KLHDC2: variants seen among roughly 807,000 people sequenced by gnomAD.
KLHDC2 encodes the protein kelch domain containing 2.
KLHDC2 carries 38 observed loss-of-function variants against 62.3 expected under a neutral mutation model. The ratio of observed to expected loss-of-function variants is 0.61; its 90% confidence interval spans 0.47 to 0.80. KLHDC2 has a LOEUF of 0.80. Among genes scored for constraint, KLHDC2 ranks in the 30% least tolerant of loss-of-function variants. KLHDC2 has a pLI of 0.00. For missense variants in KLHDC2, 430 were observed against 495.3 expected (o/e 0.87, Z 1.25); for synonymous variants, 159 against 161.0 (o/e 0.99, Z 0.09).
Position 49,780,341 on chromosome 14 carries a change from T to C in KLHDC2, c.883+19T>C, listed in dbSNP as rs1889865008. 1 of 1,419,376 alleles carries C rather than the reference T, an allele frequency of 7.0e-7. No individual in the cohort carries two copies. The highest frequency in any genetic ancestry group is 1.1e-5 in the South Asian group (1 of 87,224). 87.9% of individuals were successfully genotyped at this position (1,419,376 alleles called of 1,614,324 possible). A position where few individuals can be genotyped will look rare whatever the true frequency, so the allele number is the denominator to read the frequency against. On this transcript the variant is annotated intron_variant, in intron 9 of 12. Transcript: ENST00000298307. ...CCACTAAGTAAGTCCTTGAAAAATA[T>C]GATAATGAAATCATCATATATCATC...
rs895025708 is a variant in KLHDC2 at position 49,774,498 on chromosome 14, A to T, written c.234-63A>T. 1.9e-5 allele frequency: 20 copies of T among 1,040,786 alleles called. No homozygotes were observed. The East Asian group carries it at 4.7e-4, about 25-fold the overall frequency. The allele number at this position is 1,040,786 out of a possible 1,614,324, so 64.5% of individuals were successfully genotyped here. On this transcript the variant is annotated intron_variant, in intron 2 of 12. Transcript: ENST00000298307. Reference sequence around the variant, plus strand: ...TGTGAGGATATAAGTAGAAGAAGAAAAATTAATAGACTTTTGCATTTCTTC... The same window carrying T: ...TGTGAGGATATAAGTAGAAGAAGAATAATTAATAGACTTTTGCATTTCTTC...
intron 1 of KLHDC2, among the ~76,000 whole-genome samples, chr14:49,770,935 C>T (rs944373595): frequency 6.6e-6 from 1 of 152,220 alleles, no homozygotes; most frequent in African/African-American, 2.4e-5. Context: ...ATCGTGTTAG[C>T]GTGGATCAGG....
At position 49,768,571 on chromosome 14, in the gene KLHDC2, C is replaced by T; in HGVS notation, c.103C>T (p.His35Tyr). 1 of 1,606,818 alleles carries T rather than the reference C, an allele frequency of 6.2e-7. No individual in the cohort carries two copies. Among genetic ancestry groups the T allele is most frequent in the Non-Finnish European group, 8.5e-7 (1 of 1,177,472 alleles). ...ELACPAERSGHVAVSDGRHMF... is the reference protein window; with the variant it reads ...ELACPAERSGYVAVSDGRHMF... The stretch of plus-strand genomic sequence containing the variant: ...TGCCTGCCCCGCTGAGCGCAGCGGC[C>T]ACGTAGCCGTCAGCGACGGGCGCCA... Residue 35 changes from histidine to tyrosine, a missense_variant, in exon 1 of 13, where the codon CAC (histidine) becomes TAC (tyrosine). His to Tyr is a moderately conservative substitution (Grantham distance 83, BLOSUM62 2). Transcript: ENST00000298307.
In KLHDC2 at chr14:49,768,768, T is replaced by C. The variant is rs1245031759; in HGVS notation, c.153+147T>C. On this transcript the variant is annotated intron_variant, in intron 1 of 12. Coordinates refer to ENST00000298307, the MANE Select transcript of KLHDC2 (RefSeq NM_014315.3). ...ACCTCAGACTCTGCCCGTTGGTTGT[T>C]TTTTTTTTGCGCGCGGGAATCTTCC... is the stretch of plus-strand genomic sequence containing the variant. The C allele has an allele frequency of 3.2e-5, 22 of 690,280 alleles. No homozygotes were observed. In the Admixed American group the frequency reaches 8.3e-4, roughly 26 times the overall value. 42.8% of individuals were successfully genotyped at this position (690,280 alleles called of 1,614,324 possible). A position where few individuals can be genotyped will look rare whatever the true frequency, so the allele number is the denominator to read the frequency against.
In KLHDC2 at chr14:49,768,515, C is replaced by A; in HGVS notation, c.47C>A (p.Pro16Gln). ...CTGCGGGCTGACGACTTGCCTGGGC[C>A]AGCCTTCGAGAGCTATGAGTCCATG... is the stretch of plus-strand genomic sequence containing the variant. ...EDLRADDLPG[P>Q]AFESYESMEL... is the part of the protein sequence containing the mutation. Residue 16 changes from proline to glutamine, a missense_variant, in exon 1 of 13, where the codon CCA (proline) becomes CAA (glutamine). Transcript: ENST00000298307. 6.2e-7 allele frequency: 1 copy of A among 1,610,496 alleles called. No individual in the cohort carries two copies. The highest frequency in any genetic ancestry group is 8.5e-7 in the Non-Finnish European group (1 of 1,178,770).
chr14:49,773,805 T>C (rs1201618424), intron 2 of KLHDC2, among the ~76,000 whole-genome samples: 1 of 151,992 alleles, frequency 6.6e-6, no homozygotes, highest in Non-Finnish European at 1.5e-5. Flanking sequence ...CTCGATTTCT[T>C]GACCTTGTGA....
intron 2 of KLHDC2, among the ~76,000 whole-genome samples, chr14:49,772,887 C>T (rs879337289): frequency 3.9e-5 from 6 of 152,016 alleles, no homozygotes; most frequent in Non-Finnish European, 8.8e-5. Context: ...ACCCGGGAGG[C>T]AGAGGTTGCA....
In KLHDC2 at chr14:49,778,394, ATTC is replaced by A. The variant is rs759802662; in HGVS notation, c.550-14_550-12del. 68 of 1,455,162 alleles carry A rather than the reference ATTC, an allele frequency of 4.7e-5. No homozygotes were observed. The African/African-American group carries it at 7.2e-4, about 15-fold the overall frequency. The allele number at this position is 1,455,162 out of a possible 1,614,324, so 90.1% of individuals were successfully genotyped here. On this transcript the variant is annotated splice_polypyrimidine_tract_variant and intron_variant, in intron 5 of 12. Coordinates refer to ENST00000298307, the MANE Select transcript of KLHDC2 (RefSeq NM_014315.3). ...AAATATCATTTCTAAAATAACGCGGATTCTTATTTTCTGTAGAATTCAAGTCAT... is the reference window on the plus strand; with the variant it reads ...AAATATCATTTCTAAAATAACGCGGATTATTTTCTGTAGAATTCAAGTCAT...
chr14:49,774,907 G>T, intron 3 of KLHDC2: 5 of 464,236 alleles, frequency 1.1e-5, no homozygotes, highest in South Asian at 3.0e-5. Context: ...TAACTTCCTG[G>T]GTGGTTTTTC....
chr14:49,779,897 T>G, intron 8 of KLHDC2, 91 bp downstream of exon 8: 2 of 865,494 alleles, frequency 2.3e-6, no homozygotes, highest in Non-Finnish European at 3.7e-6. Flanking sequence ...TTGCTTAACT[T>G]TTCTTTAACT....
rs570989300 is a variant in KLHDC2, at chr14:49,782,879, T to C, written c.1147T>C (p.Trp383Arg). Residue 383 changes from tryptophan to arginine, a missense_variant, in exon 13 of 13, where the codon TGG becomes CGG. Transcript: ENST00000298307. ...CTTTAAAGAAATGTTAGCCAACTCA[T>C]GGAACTGCCTTCCAAAACACTTACT... is the stretch of plus-strand genomic sequence containing the variant. ...ICFKEMLANS[W>R]NCLPKHLLHS... The C allele has an allele frequency of 1.4e-5, 23 of 1,613,910 alleles. No homozygotes were observed. Among genetic ancestry groups the C allele is most frequent in the East Asian group, 2.2e-5 (1 of 44,854 alleles).
At chr14:49,780,577 GA>G (rs1287629326) in intron 9 of KLHDC2, 125 bp from the exon 10 acceptor site, 29 of 729,796 alleles carry the variant, frequency 4.0e-5, no homozygotes, top group East Asian at 1.5e-4. Flanking sequence ...GCAGGGGGGG[GA>G]AAAAAAAGAA....
chr14:49,772,532 T>C (rs1889685390), intron 2 of KLHDC2, among the ~76,000 whole-genome samples: 1 of 152,236 alleles, frequency 6.6e-6, no homozygotes, highest in South Asian at 2.1e-4. Context: ...AGAATCAAGG[T>C]GTTTCTCAAA....
Position 49,768,569 on chromosome 14 carries a change from G to A in KLHDC2, c.101G>A (p.Gly34Asp). 6.2e-7 allele frequency: 1 copy of A among 1,606,626 alleles called. No individual in the cohort carries two copies. Among genetic ancestry groups the A allele is most frequent in the Non-Finnish European group, 8.5e-7 (1 of 1,177,432 alleles). ...MELACPAERS[G>D]HVAVSDGRHM... ...CTTGCCTGCCCCGCTGAGCGCAGCG[G>A]CCACGTAGCCGTCAGCGACGGGCGC... The change falls in exon 1 of 13, where the codon GGC becomes GAC. Residue 34 changes from glycine to aspartate, a missense_variant. By Grantham distance (94) the Gly-to-Asp change is moderately conservative (BLOSUM62 -1). Coordinates refer to ENST00000298307, the MANE Select transcript of KLHDC2 (RefSeq NM_014315.3).
rs1314601018 is a variant in KLHDC2 at position 49,768,561 on chromosome 14, G to A, written c.93G>A (p.Glu31=). The A allele has an allele frequency of 6.2e-7, 1 of 1,608,058 alleles. No homozygotes were observed. Among genetic ancestry groups the A allele is most frequent in the Non-Finnish European group, 8.5e-7 (1 of 1,178,012 alleles). ...CCATGGAGCTTGCCTGCCCCGCTGA[G>A]CGCAGCGGCCACGTAGCCGTCAGCG... The part of the protein sequence containing the change: ...YESMELACPA[E]RSGHVAVSDG... Residue 31 remains glutamate, a synonymous_variant, in exon 1 of 13, where the codon GAG becomes GAA. Transcript: ENST00000298307.
At position 49,780,400 on chromosome 14, in the gene KLHDC2, A is replaced by G; in HGVS notation, c.883+78A>G. 3.1e-6 allele frequency: 3 copies of G among 965,592 alleles called. No individual in the cohort carries two copies. In the South Asian group the frequency reaches 4.0e-5, roughly 13 times the overall value. 59.8% of individuals were successfully genotyped at this position (965,592 alleles called of 1,614,324 possible). A position where few individuals can be genotyped will look rare whatever the true frequency, so the allele number is the denominator to read the frequency against. ...ATAGCTGAAAATGAGTCTATTAGAGACTGATGAGACGGCTTATAGGGTTGG... is the reference window on the plus strand; with the variant it reads ...ATAGCTGAAAATGAGTCTATTAGAGGCTGATGAGACGGCTTATAGGGTTGG... On this transcript the variant is annotated intron_variant, in intron 9 of 12. Coordinates refer to ENST00000298307, the MANE Select transcript of KLHDC2 (RefSeq NM_014315.3).
At chr14:49,774,426 G>C (rs1889729007) in intron 2 of KLHDC2, 135 bp from the exon 3 acceptor site, 1 of 670,938 alleles carries the variant, frequency 1.5e-6, no homozygotes, top group East Asian at 2.6e-5. Context: ...ACCTAGGAGA[G>C]ATCCTAGCGG....
intron 10 of KLHDC2, among the ~76,000 whole-genome samples, chr14:49,781,678 T>C (rs189576077): frequency 1.3e-5 from 2 of 150,614 alleles, no homozygotes; most frequent in Admixed American, 1.3e-4. Flanking sequence ...GCCTGGGTGA[T>C]AGAGCAAGAC....
chr14:49,785,428 T>C lies in KLHDC2; in HGVS notation c.*2475T>C, dbSNP rs988445245. On this transcript the variant is annotated 3_prime_UTR_variant, in exon 13 of 13. Transcript: ENST00000298307. ...ACATATTTTTTATCTTTTCCTGATA[T>C]ACATACCATCTAAGCTGGAACAGTG... 2.1e-5 allele frequency: 16 copies of C among 744,374 alleles called. No individual in the cohort carries two copies. The highest frequency in any genetic ancestry group is 1.7e-4 in the African/African-American group (10 of 57,386). 46.1% of individuals were successfully genotyped at this position (744,374 alleles called of 1,614,324 possible). A position where few individuals can be genotyped will look rare whatever the true frequency, so the allele number is the denominator to read the frequency against.
Sources: allele counts gnomAD v4.1 joint callset (sites outside exome capture counted in the v4.1 genomes callset), GRCh38; gene constraint gnomAD v4.1.1; transcripts MANE v1.5; gene names NCBI Gene and HGNC (gene_info 2026-07-23, HGNC 2026-07-21).